NRG1: variants seen among roughly 807,000 people sequenced by gnomAD.
NRG1 encodes the protein neuregulin 1.
In NRG1, 18 loss-of-function variants were observed where a neutral mutation model predicts 63.8. That is an observed-to-expected ratio of 0.28 (90% confidence interval 0.19 to 0.42). The LOEUF is 0.42. Among genes scored for constraint, NRG1 ranks in the 10% least tolerant of loss-of-function variants. The pLI is 1.00. For missense variants in NRG1, 762 were observed against 814.7 expected (o/e 0.94, Z 0.79); for synonymous variants, 302 against 301.3 (o/e 1.00, Z -0.02).
At chr8:31,835,726 G>A (rs1825631535) in intron 1 of NRG1, among the ~76,000 whole-genome samples, 2 of 152,068 alleles carry the variant, frequency 1.3e-5, no homozygotes, top group Non-Finnish European at 2.9e-5. Context: ...CATGTACAAG[G>A]GAGAGGACAG....
chr8:31,882,727 A>C (rs1036109213), intron 1 of NRG1, among the ~76,000 whole-genome samples: 5 of 152,150 alleles, frequency 3.3e-5, no homozygotes, highest in African/African-American at 9.7e-5. Context: ...GACTTTGAGG[A>C]GTTCAAGACT....
chr8:32,611,372 A>G (rs1019575667), intron 3 of NRG1, among the ~76,000 whole-genome samples: 1 of 149,768 alleles, frequency 6.7e-6, no homozygotes, highest in Non-Finnish European at 1.5e-5. Flanking sequence ...ATTGATAATG[A>G]TGTTAGAAAT....
At chr8:32,144,222 A>G (rs1836616568) in intron 1 of NRG1, among the ~76,000 whole-genome samples, 1 of 152,220 alleles carries the variant, frequency 6.6e-6, no homozygotes, top group South Asian at 2.1e-4. Flanking sequence ...AGCAAAGGAC[A>G]GTAATTCTGA....
In NRG1 at chr8:31,666,453, G is replaced by A. The variant is rs539942347; in HGVS notation, c.37+27022G>A. On this transcript the variant is annotated intron_variant, in intron 1 of 10. Coordinates refer to the NRG1 transcript ENST00000519301. The stretch of plus-strand genomic sequence containing the variant: ...TTCTCCAAAAAAATAGGTCACTGGG[G>A]AAAAAAGAAATACTCTTGGAATAAT... Among the ~76,000 whole-genome samples, 30 of 152,098 alleles carry A rather than the reference G, an allele frequency of 2.0e-4. No homozygotes were observed. The South Asian group carries it at 6.0e-3, about 31-fold the overall frequency.
intron 1 of NRG1, among the ~76,000 whole-genome samples, chr8:32,234,580 C>A (rs1011812957): frequency 9.2e-5 from 14 of 152,216 alleles, no homozygotes; most frequent in African/African-American, 3.4e-4. Flanking sequence ...TTTAATTGAA[C>A]AAGATTTTGG....
intron 1 of NRG1, among the ~76,000 whole-genome samples, chr8:32,099,140 G>T: frequency 6.6e-6 from 1 of 152,302 alleles, no homozygotes; most frequent in South Asian, 2.1e-4. Context: ...ACAAAGGCTT[G>T]CTGGGGATTT....
chr8:32,594,116 G>T (rs148271137), intron 1 of NRG1, among the ~76,000 whole-genome samples: 2 of 152,242 alleles, frequency 1.3e-5, no homozygotes, highest in Non-Finnish European at 2.9e-5. Flanking sequence ...ACATTTTTAG[G>T]ATTTACTTGG....
intron 1 of NRG1, among the ~76,000 whole-genome samples, chr8:32,337,966 T>C (rs1386437): frequency 0.52 from 78,983 of 151,974 alleles, 21,399 homozygotes; most frequent in Non-Finnish European, 0.61. Flanking sequence ...AGTATTATAC[T>C]TTAATTATTT....
chr8:32,160,542 A>G (rs1838709499), intron 1 of NRG1, among the ~76,000 whole-genome samples: 1 of 152,202 alleles, frequency 6.6e-6, no homozygotes, highest in Admixed American at 6.5e-5. Context: ...GACCTTAACC[A>G]TTAAGTGAAA....
At chr8:32,120,600 C>A (rs1833315785) in intron 1 of NRG1, among the ~76,000 whole-genome samples, 1 of 152,046 alleles carries the variant, frequency 6.6e-6, no homozygotes, top group African/African-American at 2.4e-5. Context: ...TAGTAGCTAG[C>A]AATTTGGAAT....
chr8:31,885,415 G>T (rs1395577024), intron 1 of NRG1, among the ~76,000 whole-genome samples: 1 of 151,884 alleles, frequency 6.6e-6, no homozygotes, highest in Admixed American at 6.6e-5. Context: ...TAGAATCACT[G>T]TTGAAAGAAA....
intron 1 of NRG1, among the ~76,000 whole-genome samples, chr8:32,520,177 T>C (rs936446093): frequency 6.6e-6 from 1 of 152,184 alleles, no homozygotes; most frequent in Non-Finnish European, 1.5e-5. Context: ...TTGTTTGTTT[T>C]TGAGACAGGG....
At chr8:31,880,914 T>C (rs986493076) in intron 1 of NRG1, among the ~76,000 whole-genome samples, 6 of 152,136 alleles carry the variant, frequency 3.9e-5, no homozygotes, top group Non-Finnish European at 8.8e-5. Context: ...TGGACTGGAG[T>C]ATATGCATTT....
intron 1 of NRG1, among the ~76,000 whole-genome samples, chr8:32,359,567 C>T (rs1301267487): frequency 6.6e-6 from 1 of 152,140 alleles, no homozygotes; most frequent in Non-Finnish European, 1.5e-5. Context: ...CACATGTTCA[C>T]ATGCTTACAC....
At chr8:32,519,868 T>C (rs990263411) in intron 1 of NRG1, among the ~76,000 whole-genome samples, 10 of 152,148 alleles carry the variant, frequency 6.6e-5, no homozygotes, top group Non-Finnish European at 1.0e-4. Context: ...TGTGCCACCG[T>C]GTTTTCTTGT....
chr8:32,597,989 TAAGG>T (rs1345859212), intron 2 of NRG1, among the ~76,000 whole-genome samples: 1 of 152,170 alleles, frequency 6.6e-6, no homozygotes, highest in Non-Finnish European at 1.5e-5. Context: ...GACAAGTTAG[TAAGG>T]AATGAAGTTA....
intron 6 of NRG1, among the ~76,000 whole-genome samples, chr8:32,732,720 G>A (rs1361475824): frequency 2.7e-5 from 4 of 150,890 alleles, no homozygotes; most frequent in East Asian, 3.9e-4. Flanking sequence ...AAAAGTAAAT[G>A]GTAGTATTAC....
At chr8:32,593,833 A>G (rs1249775324) in intron 1 of NRG1, among the ~76,000 whole-genome samples, 2 of 150,036 alleles carry the variant, frequency 1.3e-5, no homozygotes, top group African/African-American at 4.9e-5. Flanking sequence ...AGCTCTTCAG[A>G]AAAAAATATT....
At chr8:32,261,985 C>A (rs1276331001) in intron 1 of NRG1, among the ~76,000 whole-genome samples, 1 of 152,074 alleles carries the variant, frequency 6.6e-6, no homozygotes, top group East Asian at 1.9e-4. Context: ...ATCCAGATCG[C>A]CTTGAATTCA....
Sources: allele counts gnomAD v4.1 joint callset (sites outside exome capture counted in the v4.1 genomes callset), GRCh38; gene constraint gnomAD v4.1.1; transcripts MANE v1.5; gene names NCBI Gene and HGNC (gene_info 2026-07-23, HGNC 2026-07-21).